Variants in TBL1XR1 observed in about 807,000 individuals in gnomAD.
TBL1XR1 encodes the protein F-box-like/WD repeat-containing protein TBL1XR1.
TBL1XR1 carries 5 observed loss-of-function variants against 66.9 expected under a neutral mutation model. That is an observed-to-expected ratio of 0.07 (90% CI 0.04 to 0.16). The LOEUF (loss-of-function observed/expected upper bound fraction) is 0.16. Ranked by LOEUF, TBL1XR1 falls within the 10% of genes least tolerant of loss-of-function variation. TBL1XR1 has a pLI of 1.00. For synonymous variants in TBL1XR1, 210 were observed against 206.0 expected (o/e 1.02, Z -0.17); for missense variants, 238 against 623.2 (o/e 0.38, Z 6.58).
intron 1 of TBL1XR1, among the ~76,000 whole-genome samples, chr3:177,175,755 C>G (rs1734073336): frequency 2.0e-5 from 3 of 152,064 alleles, no homozygotes; most frequent in Admixed American, 1.3e-4. Context: ...CCTAATGAAG[C>G]ATTAAAATAA....
chr3:177,037,866 T>C (rs113590503), intron 12 of TBL1XR1: 28 of 458,060 alleles, frequency 6.1e-5, no homozygotes, highest in East Asian at 1.2e-4. Context: ...ATATGTCTCA[T>C]TGTATCACAA....
chr3:177,183,151 C>A (rs996686748), intron 1 of TBL1XR1, among the ~76,000 whole-genome samples: 2 of 152,096 alleles, frequency 1.3e-5, no homozygotes, highest in African/African-American at 4.8e-5. Flanking sequence ...TCATTCAGAA[C>A]GTCGACGTTT....
At chr3:177,111,629 A>G (rs866276619) in intron 1 of TBL1XR1, among the ~76,000 whole-genome samples, 3 of 152,078 alleles carry the variant, frequency 2.0e-5, no homozygotes, top group Non-Finnish European at 4.4e-5. Flanking sequence ...TCTCCTGGAC[A>G]TATCTTCCAG....
At chr3:177,108,525 T>C (rs1725158414) in intron 1 of TBL1XR1, among the ~76,000 whole-genome samples, 1 of 152,168 alleles carries the variant, frequency 6.6e-6, no homozygotes, top group African/African-American at 2.4e-5. Flanking sequence ...GAACATAGTG[T>C]TTGGCTTATT....
intron 2 of TBL1XR1, among the ~76,000 whole-genome samples, chr3:177,092,486 T>A (rs1188555841): frequency 6.6e-6 from 1 of 152,094 alleles, no homozygotes; most frequent in Non-Finnish European, 1.5e-5. Context: ...TAACCAAACA[T>A]AATGTATAAG....
At chr3:177,165,591 A>G (rs1732727528) in intron 1 of TBL1XR1, among the ~76,000 whole-genome samples, 1 of 152,238 alleles carries the variant, frequency 6.6e-6, no homozygotes, top group South Asian at 2.1e-4. Context: ...TTATCAAGAC[A>G]ATATGGTATT....
At chr3:177,063,594 A>G (rs1226467058) in intron 3 of TBL1XR1, among the ~76,000 whole-genome samples, 1 of 152,246 alleles carries the variant, frequency 6.6e-6, no homozygotes, top group Non-Finnish European at 1.5e-5. Flanking sequence ...TGAAATTGTT[A>G]AACTTGTTTA....
chr3:177,098,834 T>C (rs74400026), intron 1 of TBL1XR1, among the ~76,000 whole-genome samples: 1 of 152,340 alleles, frequency 6.6e-6, no homozygotes, highest in Non-Finnish European at 1.5e-5. Context: ...CATGTAAATA[T>C]TATTGCATTA....
At chr3:177,198,471 GC>G (rs1465817342), upstream of TBL1XR1, among the ~76,000 whole-genome samples, 1 of 152,222 alleles carries the variant, frequency 6.6e-6, no homozygotes, top group Admixed American at 6.5e-5. Flanking sequence ...GTGAAGCACA[GC>G]AAGGCGGTTT....
At chr3:177,106,701 T>A (rs1724936117) in intron 1 of TBL1XR1, among the ~76,000 whole-genome samples, 1 of 152,066 alleles carries the variant, frequency 6.6e-6, no homozygotes, top group South Asian at 2.1e-4. Context: ...ATAACAGAAA[T>A]AAATTGTTAT....
At chr3:177,057,317 A>C (rs577131497) in intron 3 of TBL1XR1, among the ~76,000 whole-genome samples, 208 of 152,296 alleles carry the variant, frequency 1.4e-3, no homozygotes, top group Admixed American at 2.4e-3. Flanking sequence ...TATGTGTGGC[A>C]CTTACCACAC....
chr3:177,170,470 C>A (rs1375856009), intron 1 of TBL1XR1, among the ~76,000 whole-genome samples: 1 of 152,252 alleles, frequency 6.6e-6, no homozygotes, highest in Middle Eastern at 3.4e-3. Flanking sequence ...GGTTAATAAC[C>A]CTTCCCAGGT....
chr3:177,183,956 A>T (rs1735122674), intron 1 of TBL1XR1, among the ~76,000 whole-genome samples: 1 of 151,672 alleles, frequency 6.6e-6, no homozygotes, highest in African/African-American at 2.4e-5. Context: ...AAAATGAGAC[A>T]AAGACTCTCC....
chr3:177,177,692 CTAATTA>C lies in TBL1XR1; in HGVS notation c.-122+19423_-122+19428del, dbSNP rs200640006. 1.1e-3 allele frequency among the ~76,000 whole-genome samples: 160 copies of C among 152,246 alleles called. 4 individuals are homozygous for C. In the East Asian group the frequency reaches 0.025, roughly 24 times the overall value. ...CTTTTAATAAATTATTTCCAGTACTCTAATTATAAGGATGAACCAATTTAAGACTAC... is the reference window on the plus strand; with the variant it reads ...CTTTTAATAAATTATTTCCAGTACTCTAAGGATGAACCAATTTAAGACTAC... On this transcript the variant is annotated intron_variant, in intron 1 of 15. Coordinates refer to ENST00000457928, the MANE Select transcript of TBL1XR1 (RefSeq NM_024665.7).
At chr3:177,078,351 G>A (rs570239365) in intron 2 of TBL1XR1, among the ~76,000 whole-genome samples, 3 of 151,942 alleles carry the variant, frequency 2.0e-5, no homozygotes, top group Non-Finnish European at 2.9e-5. Context: ...CATCACTTTG[G>A]GGGGCAGAGG....
In TBL1XR1 at chr3:177,176,941, C is replaced by T. The variant is rs976501176; in HGVS notation, c.-122+20180G>A. Among the ~76,000 whole-genome samples the T allele has an allele frequency of 9.2e-5, 14 of 152,252 alleles. 1 individual carries two copies. The Middle Eastern group carries it at 0.014, about 148-fold the overall frequency. ...GCTGCAGGAGGCAGTGATCGCACCA[C>T]TTTACTCCAGCTTGGGCAACAAAGG... On this transcript the variant is annotated intron_variant, in intron 1 of 15. Transcript: ENST00000457928.
intron 2 of TBL1XR1, chr3:177,080,035 C>A (rs1329627000): frequency 4.6e-5 from 7 of 152,050 alleles, no homozygotes; most frequent in African/African-American, 1.4e-4. Context: ...TAGGAAGAAT[C>A]AATCAAATGT....
chr3:177,129,577 AG>A (rs1435439894), intron 1 of TBL1XR1, among the ~76,000 whole-genome samples: 1 of 152,222 alleles, frequency 6.6e-6, no homozygotes, highest in Non-Finnish European at 1.5e-5. Flanking sequence ...TTACCTTTCC[AG>A]AGGCTGGGGA....
intron 1 of TBL1XR1, among the ~76,000 whole-genome samples, chr3:177,121,416 A>C (rs1370089901): frequency 6.6e-6 from 1 of 152,192 alleles, no homozygotes; most frequent in Non-Finnish European, 1.5e-5. Context: ...GCTGGATGTC[A>C]ATCTTTTTCT....
Sources: allele counts gnomAD v4.1 joint callset (sites outside exome capture counted in the v4.1 genomes callset), GRCh38; gene constraint gnomAD v4.1.1; transcripts MANE v1.5; gene names NCBI Gene and HGNC (gene_info 2026-07-23, HGNC 2026-07-21).